DCDC1: variants seen among roughly 807,000 people sequenced by gnomAD.
DCDC1 encodes doublecortin domain containing 1.
DCDC1 carries 200 observed loss-of-function variants against 178.3 expected under a neutral mutation model. That is an observed-to-expected ratio of 1.12 (90% confidence interval 1.00 to 1.26). DCDC1 has a LOEUF of 1.26. Ranked by LOEUF, DCDC1 falls within the 50% of genes most tolerant of loss-of-function variation. The pLI is 0.00. For synonymous variants in DCDC1, 690 were observed against 604.8 expected (o/e 1.14, Z -2.07); for missense variants, 1,983 against 1,749.2 (o/e 1.13, Z -2.38).
rs374460581 is a variant in DCDC1, at chr11:31,354,343, T to C, written c.-125+15354A>G. Among the ~76,000 whole-genome samples the C allele has an allele frequency of 3.9e-5, 6 of 152,212 alleles. No homozygotes were observed. In the South Asian group the frequency reaches 6.2e-4, roughly 16 times the overall value. ...AATATTTATGACTGTCAACACAGAA[T>C]AGGTCACATGGATGTGAGTACTGCA... On this transcript the variant is annotated intron_variant, in intron 1 of 38. Transcript: ENST00000684477.
intron 20 of DCDC1, among the ~76,000 whole-genome samples, chr11:30,955,083 T>C (rs1404751141): frequency 6.6e-6 from 1 of 152,220 alleles, no homozygotes; most frequent in Non-Finnish European, 1.5e-5. Context: ...TATATTTAAA[T>C]CACACCAATT....
At chr11:31,248,061 G>C (rs1363217820) in intron 8 of DCDC1, among the ~76,000 whole-genome samples, 1 of 152,000 alleles carries the variant, frequency 6.6e-6, no homozygotes, top group Non-Finnish European at 1.5e-5. Flanking sequence ...AAACTTTAAA[G>C]TTCCATACAA....
intron 9 of DCDC1, among the ~76,000 whole-genome samples, chr11:31,199,948 C>A (rs1254041016): frequency 6.6e-6 from 1 of 152,024 alleles, no homozygotes; most frequent in Non-Finnish European, 1.5e-5. Flanking sequence ...ATAATTTGGT[C>A]TGAATGACTA....
At chr11:31,256,185 C>T (rs1055251924) in intron 8 of DCDC1, among the ~76,000 whole-genome samples, 1 of 152,146 alleles carries the variant, frequency 6.6e-6, no homozygotes, top group East Asian at 1.9e-4. Flanking sequence ...GATCTATATG[C>T]CTATCCTTAT....
chr11:31,189,131 C>T (rs1030634710), intron 9 of DCDC1, among the ~76,000 whole-genome samples: 7 of 152,064 alleles, frequency 4.6e-5, no homozygotes, highest in Non-Finnish European at 7.4e-5. Context: ...ATTACTCAGT[C>T]TAAGGTGTTT....
rs577874005 is a variant in DCDC1, at chr11:30,936,900, T to C, written c.2716-4948A>G. On this transcript the variant is annotated intron_variant, in intron 21 of 38. Transcript: ENST00000684477. ...GGTTGGAAGTCTTTTCTCCCTTAAA[T>C]AGCAATGGGATATTGCTCCTGCAAA... 5.3e-5 allele frequency among the ~76,000 whole-genome samples: 8 copies of C among 152,308 alleles called. No individual in the cohort carries two copies. The South Asian group carries it at 1.7e-3, about 32-fold the overall frequency.
chr11:31,204,754 G>A (rs376014020), intron 9 of DCDC1, among the ~76,000 whole-genome samples: 8 of 152,250 alleles, frequency 5.3e-5, no homozygotes, highest in Admixed American at 2.6e-4. Context: ...CTCAGGAGGC[G>A]GAGGTTGCAG....
rs1322660509 is a variant in DCDC1 at position 31,316,067 on chromosome 11, C to G, written c.165-8159G>C. On this transcript the variant is annotated intron_variant, in intron 3 of 38. Coordinates refer to ENST00000684477, the MANE Select transcript of DCDC1 (RefSeq NM_001387274.1). ...ATCCATCTATCATTGTTGGACATTT[C>G]GGTTGGTTCCAAGTCTTTGCTATTG... Among the ~76,000 whole-genome samples the G allele has an allele frequency of 5.2e-5, 5 of 96,646 alleles. 1 individual carries two copies. The South Asian group carries it at 9.6e-4, about 18-fold the overall frequency. The allele number at this position is 96,646 out of a possible 152,430, so 63.4% of individuals were successfully genotyped here. A position where few individuals can be genotyped will look rare whatever the true frequency, so the allele number is the denominator to read the frequency against.
At chr11:31,359,484 A>G (rs558506227) in intron 1 of DCDC1, among the ~76,000 whole-genome samples, 1 of 152,054 alleles carries the variant, frequency 6.6e-6, no homozygotes, top group South Asian at 2.1e-4. Flanking sequence ...ACCTAATGCT[A>G]GATGACGAGT....
chr11:31,324,031 G>C (rs1332881561), intron 3 of DCDC1, among the ~76,000 whole-genome samples: 7 of 151,974 alleles, frequency 4.6e-5, no homozygotes, highest in Non-Finnish European at 7.4e-5. Flanking sequence ...ATTCTAGTTT[G>C]GCCTAAAAAT....
intron 26 of DCDC1, 52 bp from the exon 27 acceptor site, chr11:30,915,763 T>C (rs1179188162): frequency 6.5e-6 from 10 of 1,549,262 alleles, no homozygotes; most frequent in Non-Finnish European, 8.8e-6. Context: ...ATGCACTTGA[T>C]CATGCACTTG....
intron 11 of DCDC1, among the ~76,000 whole-genome samples, chr11:31,124,428 A>T (rs1011325651): frequency 6.6e-6 from 1 of 152,190 alleles, no homozygotes; most frequent in African/African-American, 2.4e-5. Flanking sequence ...ATTAGAAAAC[A>T]CTATTTTAAA....
At position 31,137,676 on chromosome 11, in the gene DCDC1, A is replaced by G. The variant is rs889118245; in HGVS notation, c.1314+16T>C. 2 of 701,970 alleles carry G rather than the reference A, an allele frequency of 2.8e-6. No homozygotes were observed. The highest frequency in any genetic ancestry group is 5.2e-6 in the Non-Finnish European group (2 of 384,542). The allele number at this position is 701,970 out of a possible 1,614,324, so 43.5% of individuals were successfully genotyped here. ...ATTGCAGTTTTAAAATACAGTTTAC[A>G]AAGTAATTTCCTTACTTCTTCCTGT... On this transcript the variant is annotated intron_variant, in intron 10 of 38. Coordinates refer to ENST00000684477, the MANE Select transcript of DCDC1 (RefSeq NM_001387274.1).
intron 38 of DCDC1, among the ~76,000 whole-genome samples, chr11:30,869,956 G>A (rs1052185129): frequency 3.3e-5 from 5 of 152,202 alleles, no homozygotes; most frequent in East Asian, 1.9e-4. Context: ...CAAAGAATTC[G>A]ATAGAAGCAA....
At chr11:31,213,809 T>C (rs577212443) in intron 9 of DCDC1, among the ~76,000 whole-genome samples, 12 of 151,920 alleles carry the variant, frequency 7.9e-5, no homozygotes, top group Non-Finnish European at 1.5e-4. Flanking sequence ...AACAAGAATA[T>C]TACTAATATT....
intron 20 of DCDC1, among the ~76,000 whole-genome samples, chr11:30,977,386 A>C (rs996691602): frequency 2.0e-5 from 3 of 152,162 alleles, no homozygotes; most frequent in African/African-American, 7.2e-5. Flanking sequence ...CACCCCAAAC[A>C]CTCTGACTTG....
At chr11:31,041,850 A>C (rs1293401072) in intron 20 of DCDC1, among the ~76,000 whole-genome samples, 1 of 152,204 alleles carries the variant, frequency 6.6e-6, no homozygotes, top group East Asian at 1.9e-4. Context: ...TATGGTCTAA[A>C]AGATAAAAGA....
At chr11:30,953,287 A>G (rs1182815413) in intron 20 of DCDC1, among the ~76,000 whole-genome samples, 2 of 148,464 alleles carry the variant, frequency 1.3e-5, no homozygotes, top group Admixed American at 1.4e-4. Context: ...TAAGTATTAT[A>G]TTTATTATCA....
At chr11:31,192,676 G>T (rs1970259760) in intron 9 of DCDC1, among the ~76,000 whole-genome samples, 1 of 152,068 alleles carries the variant, frequency 6.6e-6, no homozygotes, top group African/African-American at 2.4e-5. Context: ...CTTGTTTTCA[G>T]ACCCTATGCT....
Sources: allele counts gnomAD v4.1 joint callset (sites outside exome capture counted in the v4.1 genomes callset), GRCh38; gene constraint gnomAD v4.1.1; transcripts MANE v1.5; gene names NCBI Gene and HGNC (gene_info 2026-07-23, HGNC 2026-07-21).